The following KCNQ1 variants were observed in gnomAD, a reference collection of about 807,000 sequenced individuals.
The protein encoded by KCNQ1 is potassium voltage-gated channel subfamily KQT member 1.
A neutral mutation model predicts 72.4 loss-of-function variants in KCNQ1; 49 were observed. The observed-to-expected ratio is 0.68, with a 90% CI of 0.54 to 0.86. The LOEUF (loss-of-function observed/expected upper bound fraction) is 0.86. Ranked by LOEUF, KCNQ1 falls within the 40% of genes least tolerant of loss-of-function variation. KCNQ1 has a pLI of 0.00. For synonymous variants in KCNQ1, 450 were observed against 412.6 expected, an observed-to-expected ratio of 1.09 and a Z score of -1.10; for missense variants, 790 against 945.1, an observed-to-expected ratio of 0.84 and a Z score of 2.15.
chr11:2,482,947 G>T lies in KCNQ1; in HGVS notation c.386+37463G>T, dbSNP rs1379223304. Reference sequence around the variant, plus strand: ...TCATGGACCGGCATGGCGTGGTAATGCATGGTGCGTGTCTCTTAGCAGTAA... The same window carrying T: ...TCATGGACCGGCATGGCGTGGTAATTCATGGTGCGTGTCTCTTAGCAGTAA... On this transcript the variant is annotated intron_variant, in intron 1 of 15. Transcript: ENST00000155840. The surrounding 1 kb of genome is among the most constrained non-coding windows in gnomAD (Gnocchi z 5.7). 1.8e-4 allele frequency among the ~76,000 whole-genome samples: 27 copies of T among 152,188 alleles called. No individual in the cohort carries two copies. The highest frequency in any genetic ancestry group is 1.8e-3 in the Admixed American group (27 of 15,282).
intron 11 of KCNQ1, among the ~76,000 whole-genome samples, chr11:2,739,956 G>C (rs1466023301): frequency 6.6e-6 from 1 of 152,252 alleles, no homozygotes; most frequent in Non-Finnish European, 1.5e-5. Flanking sequence ...AGGTGGGGTG[G>C]TGAGCCATGC....
rs1449160591 is a variant in KCNQ1 at position 2,495,923 on chromosome 11, T to C, written c.387-32005T>C. Among the ~76,000 whole-genome samples, 1 of 152,196 alleles carries C rather than the reference T, an allele frequency of 6.6e-6. No homozygotes were observed. Among genetic ancestry groups the C allele is most frequent in the Admixed American group, 6.5e-5 (1 of 15,274 alleles). The stretch of plus-strand genomic sequence containing the variant: ...TTTTCTGTCTCATTGATCTGTCTAA[T>C]ATTGACAGTGGAGTGTTAAAGTCTC... On this transcript the variant is annotated intron_variant, in intron 1 of 15. Transcript: ENST00000155840. The surrounding 1 kb of genome is among the most constrained non-coding windows in gnomAD (Gnocchi z 4.6).
At position 2,563,299 on chromosome 11, in the gene KCNQ1, C is replaced by T. The variant is rs1848200782; in HGVS notation, c.478-7329C>T. On this transcript the variant is annotated intron_variant, in intron 2 of 15. Transcript: ENST00000155840. This position sits in a 1 kb window ranked among gnomAD's most constrained non-coding sequence, Gnocchi z 7.4. Reference sequence around the variant, plus strand: ...AGAACACCGGTTCCACGGCCGGTTGCAACACGTTTGAGCCAAAGTGCGACC... The same window carrying T: ...AGAACACCGGTTCCACGGCCGGTTGTAACACGTTTGAGCCAAAGTGCGACC... 6.6e-6 allele frequency among the ~76,000 whole-genome samples: 1 copy of T among 152,242 alleles called. No homozygotes were observed.
intron 15 of KCNQ1, among the ~76,000 whole-genome samples, chr11:2,779,672 C>T (rs1416326916): frequency 6.6e-6 from 1 of 152,212 alleles, no homozygotes; most frequent in Non-Finnish European, 1.5e-5. Context: ...TAAGCCCAGA[C>T]CTGGAGTCTG....
At chr11:2,738,321 A>T (rs1460525948) in intron 11 of KCNQ1, among the ~76,000 whole-genome samples, 1 of 151,538 alleles carries the variant, frequency 6.6e-6, no homozygotes, top group Admixed American at 6.5e-5. Context: ...TGTTATCATG[A>T]AGCCGGGAGA....
At chr11:2,637,547 GAC>G (rs1286456838) in intron 10 of KCNQ1, 1 of 152,238 alleles carries the variant, frequency 6.6e-6, no homozygotes, top group African/African-American at 2.4e-5. Context: ...TGGTCTGAGA[GAC>G]AGTTTGTTAT....
intron 6 of KCNQ1, among the ~76,000 whole-genome samples, chr11:2,578,131 G>C (rs574594704): frequency 6.6e-6 from 1 of 152,376 alleles, no homozygotes; most frequent in East Asian, 1.9e-4. Context: ...CAAATTCCAG[G>C]AGTGAGTGAC....
chr11:2,847,352 C>T (rs558549357), intron 15 of KCNQ1, among the ~76,000 whole-genome samples: 156 of 152,364 alleles, frequency 1.0e-3, no homozygotes, highest in African/African-American at 3.6e-3. Flanking sequence ...GTCCCCAAGC[C>T]TGGCCTCAAG....
intron 10 of KCNQ1, among the ~76,000 whole-genome samples, chr11:2,606,059 A>G (rs1249990394): frequency 6.6e-6 from 1 of 152,142 alleles, no homozygotes; most frequent in African/African-American, 2.4e-5. Flanking sequence ...AAAATCTACT[A>G]TTTTACTCAT....
In KCNQ1 at chr11:2,526,426, C is replaced by T. The variant is rs191730280; in HGVS notation, c.387-1502C>T. Among the ~76,000 whole-genome samples the T allele has an allele frequency of 2.0e-3, 308 of 152,192 alleles. 1 individual carries two copies. Among genetic ancestry groups the T allele is most frequent in the African/African-American group, 7.2e-3 (299 of 41,524 alleles). On this transcript the variant is annotated intron_variant, in intron 1 of 15. Coordinates refer to ENST00000155840, the MANE Select transcript of KCNQ1 (RefSeq NM_000218.3). The surrounding 1 kb of genome is among the most constrained non-coding windows in gnomAD (Gnocchi z 6.1). ...TTTGGCCCCAGTCCCAGCAGCGGGA[C>T]TATGGCTGTGGGGAGGGAGGAACCC... is the stretch of plus-strand genomic sequence containing the variant.
chr11:2,445,428 C>T lies in KCNQ1; in HGVS notation c.330C>T (p.Val110=). The change falls in exon 1 of 16, where the codon GTC becomes GTT. Residue 110 remains valine (V), a synonymous_variant. Coordinates refer to ENST00000155840, the MANE Select transcript of KCNQ1 (RefSeq NM_000218.3). Reference sequence around the variant, plus strand: ...CGCGCACCCACGTCCAGGGCCGCGTCTACAACTTCCTCGAGCGTCCCACCG... The same window carrying T: ...CGCGCACCCACGTCCAGGGCCGCGTTTACAACTTCCTCGAGCGTCCCACCG... ...VLARTHVQGR[V]YNFLERPTGW... The T allele has an allele frequency of 6.3e-7, 1 of 1,597,816 alleles. No homozygotes were observed. The highest frequency in any genetic ancestry group is 2.2e-5 in the East Asian group (1 of 44,816).
intron 1 of KCNQ1, among the ~76,000 whole-genome samples, chr11:2,466,052 T>C (rs967234637): frequency 2.0e-5 from 3 of 152,222 alleles, no homozygotes; most frequent in Non-Finnish European, 4.4e-5. Context: ...TATGGGGGCA[T>C]TGCTTCTTCC....
chr11:2,619,063 C>T (rs1041742607), intron 10 of KCNQ1: 13 of 398,290 alleles, frequency 3.3e-5, no homozygotes, highest in Non-Finnish European at 4.9e-5. Flanking sequence ...TTAGTTCTAA[C>T]AGGTTGCTTT....
chr11:2,551,405 T>C (rs1210380788), intron 2 of KCNQ1, among the ~76,000 whole-genome samples: 1 of 152,212 alleles, frequency 6.6e-6, no homozygotes, highest in African/African-American at 2.4e-5. Flanking sequence ...ATAATTCATT[T>C]GAGGCCCATC....
Position 2,691,531 on chromosome 11 carries a change from T to G in KCNQ1, c.1514+29450T>G, listed in dbSNP as rs1282608712. On this transcript the variant is annotated intron_variant, in intron 11 of 15. Transcript: ENST00000155840. This position sits in a 1 kb window ranked among gnomAD's most constrained non-coding sequence, Gnocchi z 6.4. ...AGCTTGCTTGGCTTTGCATTAAAGT[T>G]GGGGGGATTTCTCTATCCTGAGGTT... The G allele has an allele frequency of 2.5e-6, 1 of 398,464 alleles. No homozygotes were observed. The highest frequency in any genetic ancestry group is 4.4e-6 in the Non-Finnish European group (1 of 226,060). 24.7% of individuals were successfully genotyped at this position (398,464 alleles called of 1,614,324 possible).
intron 15 of KCNQ1, among the ~76,000 whole-genome samples, chr11:2,845,817 T>C (rs1487071697): frequency 6.6e-6 from 1 of 152,098 alleles, no homozygotes; most frequent in African/African-American, 2.4e-5. Flanking sequence ...CCTAGCCCTC[T>C]AGACAGACGC....
rs983323870 is a variant in KCNQ1 at position 2,695,966 on chromosome 11, T to C, written c.1514+33885T>C. 2.0e-5 allele frequency: 8 copies of C among 398,546 alleles called. No individual in the cohort carries two copies. The highest frequency in any genetic ancestry group is 2.7e-5 in the Non-Finnish European group (6 of 226,080). The allele number at this position is 398,546 out of a possible 1,614,324, so 24.7% of individuals were successfully genotyped here. ...GTTGTTCCCTCCTCAGCTTTAATTG[T>C]TTCAAATATCTTGTAATGAGTCATG... is the stretch of plus-strand genomic sequence containing the variant. On this transcript the variant is annotated intron_variant, in intron 11 of 15. Coordinates refer to ENST00000155840, the MANE Select transcript of KCNQ1 (RefSeq NM_000218.3). The surrounding 1 kb of genome is among the most constrained non-coding windows in gnomAD (Gnocchi z 5.2).
rs1850720343 is a variant in KCNQ1, at chr11:2,698,760, T to C, written c.1514+36679T>C. 1 of 398,758 alleles carries C rather than the reference T, an allele frequency of 2.5e-6. No individual in the cohort carries two copies. Among genetic ancestry groups the C allele is most frequent in the Non-Finnish European group, 4.4e-6 (1 of 226,148 alleles). The allele number at this position is 398,758 out of a possible 1,614,324, so 24.7% of individuals were successfully genotyped here. A position where few individuals can be genotyped will look rare whatever the true frequency, so the allele number is the denominator to read the frequency against. ...CTTGGATCTCAACTCAGAGCCATGATGCAGACTCCAGACCGGGATTCAGGT... is the reference window on the plus strand; with the variant it reads ...CTTGGATCTCAACTCAGAGCCATGACGCAGACTCCAGACCGGGATTCAGGT... On this transcript the variant is annotated intron_variant, in intron 11 of 15. Coordinates refer to ENST00000155840, the MANE Select transcript of KCNQ1 (RefSeq NM_000218.3). The surrounding 1 kb of genome is among the most constrained non-coding windows in gnomAD (Gnocchi z 5.1).
chr11:2,667,242 G>C (rs1590019037), intron 11 of KCNQ1: 1 of 398,642 alleles, frequency 2.5e-6, no homozygotes, highest in East Asian at 3.6e-5. Flanking sequence ...TCCTCCGTCT[G>C]AGCACGTGAG....
Sources: allele counts gnomAD v4.1 joint callset (sites outside exome capture counted in the v4.1 genomes callset), GRCh38; gene constraint gnomAD v4.1.1; non-coding constraint Gnocchi (gnomAD v3.1); transcripts MANE v1.5; gene names NCBI Gene and HGNC (gene_info 2026-07-23, HGNC 2026-07-21).